RAB3GAP2: variants seen among roughly 807,000 people sequenced by gnomAD.
RAB3GAP2 encodes rab3 GTPase-activating protein non-catalytic subunit.
Under a neutral mutation model 185.3 loss-of-function variants are expected in RAB3GAP2, and 87 were observed. That is an observed-to-expected ratio of 0.47 (90% CI 0.39 to 0.56). The LOEUF (loss-of-function observed/expected upper bound fraction) is 0.56. Ranked by LOEUF, RAB3GAP2 falls within the 20% of genes least tolerant of loss-of-function variation. The pLI, the probability that RAB3GAP2 is intolerant of heterozygous loss-of-function variation, is 0.00. For synonymous variants in RAB3GAP2, 554 were observed against 576.1 expected, an observed-to-expected ratio of 0.96 and a Z score of 0.55; for missense variants, 1,492 against 1,638.2, an observed-to-expected ratio of 0.91 and a Z score of 1.54.
intron 21 of RAB3GAP2, among the ~76,000 whole-genome samples, chr1:220,174,652 T>G (rs2102860892): frequency 6.6e-6 from 1 of 152,330 alleles, no homozygotes; most frequent in East Asian, 1.9e-4. Context: ...TAGAAACCTT[T>G]TTTAAAAAAC....
intron 27 of RAB3GAP2, among the ~76,000 whole-genome samples, chr1:220,164,133 A>T (rs547541007): frequency 6.6e-6 from 1 of 152,314 alleles, no homozygotes; most frequent in East Asian, 1.9e-4. Flanking sequence ...CACATCCATT[A>T]TAAGACGCAC....
chr1:220,243,697 C>A (rs1168433501), intron 1 of RAB3GAP2, among the ~76,000 whole-genome samples: 1 of 152,202 alleles, frequency 6.6e-6, no homozygotes, highest in Non-Finnish European at 1.5e-5. Context: ...TGAGTCCACT[C>A]ACAGTCTCTA....
intron 21 of RAB3GAP2, among the ~76,000 whole-genome samples, chr1:220,179,973 C>G (rs1170361570): frequency 6.6e-5 from 10 of 152,022 alleles, no homozygotes; most frequent in African/African-American, 1.2e-4. Context: ...ACCATCCTGG[C>G]CAACATTGTG....
At chr1:220,229,366 G>C (rs1488696684) in intron 2 of RAB3GAP2, among the ~76,000 whole-genome samples, 4 of 152,174 alleles carry the variant, frequency 2.6e-5, no homozygotes, top group Non-Finnish European at 4.4e-5. Context: ...TGTGGTTTCT[G>C]ATCATGTTTA....
intron 24 of RAB3GAP2, among the ~76,000 whole-genome samples, chr1:220,170,274 C>T (rs368499639): frequency 1.1e-4 from 16 of 151,938 alleles, no homozygotes; most frequent in South Asian, 2.1e-4. Flanking sequence ...TGGGGGATTG[C>T]GGGGCTAGGG....
chr1:220,260,214 T>C (rs568854134), intron 1 of RAB3GAP2, among the ~76,000 whole-genome samples: 3 of 152,296 alleles, frequency 2.0e-5, no homozygotes, highest in African/African-American at 7.2e-5. Context: ...AGAAATACCT[T>C]TTGGCCCAGC....
At chr1:220,177,563 C>A (rs1363449118) in intron 21 of RAB3GAP2, among the ~76,000 whole-genome samples, 1 of 152,088 alleles carries the variant, frequency 6.6e-6, no homozygotes, top group African/African-American at 2.4e-5. Context: ...AGAAAACCCA[C>A]ACAATCTATT....
chr1:220,210,327 GGA>G, intron 7 of RAB3GAP2, 59 bp downstream of exon 7: 1 of 1,211,538 alleles, frequency 8.3e-7, no homozygotes, highest in Non-Finnish European at 1.2e-6. Flanking sequence ...CTAAAAAAGA[GGA>G]GAGAAACTGC....
chr1:220,218,947 G>C (rs2102884803), intron 2 of RAB3GAP2, among the ~76,000 whole-genome samples: 1 of 152,114 alleles, frequency 6.6e-6, no homozygotes, highest in East Asian at 1.9e-4. Context: ...TCAATACAAG[G>C]ACAAAAAGCC....
chr1:220,222,454 T>G (rs1659325704), intron 2 of RAB3GAP2, among the ~76,000 whole-genome samples: 1 of 152,150 alleles, frequency 6.6e-6, no homozygotes, highest in Admixed American at 6.5e-5. Context: ...ACTAAAATTC[T>G]CAAATGAAAG....
intron 1 of RAB3GAP2, among the ~76,000 whole-genome samples, chr1:220,269,415 T>C (rs1044158350): frequency 1.3e-5 from 2 of 152,176 alleles, no homozygotes; most frequent in East Asian, 1.9e-4. Flanking sequence ...TCAAAAACCA[T>C]TGAGTGTTAT....
chr1:220,257,634 G>A (rs1046439390), intron 1 of RAB3GAP2, among the ~76,000 whole-genome samples: 4 of 151,962 alleles, frequency 2.6e-5, no homozygotes, highest in Non-Finnish European at 4.4e-5. Context: ...GAAGGATCTC[G>A]ACTTAACAAC....
intron 2 of RAB3GAP2, among the ~76,000 whole-genome samples, chr1:220,225,714 A>G (rs943201253): frequency 3.9e-5 from 6 of 152,192 alleles, no homozygotes; most frequent in Non-Finnish European, 8.8e-5. Context: ...AAGTCCTAAT[A>G]AGAAACAGCC....
chr1:220,223,043 T>G (rs1227282464), intron 2 of RAB3GAP2, among the ~76,000 whole-genome samples: 1 of 152,192 alleles, frequency 6.6e-6, no homozygotes, highest in African/African-American at 2.4e-5. Flanking sequence ...ATTTGCTTTG[T>G]TTTGTTTTTG....
intron 21 of RAB3GAP2, among the ~76,000 whole-genome samples, chr1:220,178,358 A>G (rs74355828): frequency 0.07 from 10,709 of 152,282 alleles, 513 homozygotes; most frequent in South Asian, 0.14. Flanking sequence ...TGTGATTGTC[A>G]TACTAATATT....
intron 2 of RAB3GAP2, among the ~76,000 whole-genome samples, chr1:220,230,007 C>T (rs1659470839): frequency 6.6e-6 from 1 of 152,222 alleles, no homozygotes; most frequent in South Asian, 2.1e-4. Flanking sequence ...CCAAGCACAT[C>T]CCTTTCTGAA....
chr1:220,206,454 T>C (rs186377586), intron 7 of RAB3GAP2, among the ~76,000 whole-genome samples: 483 of 152,306 alleles, frequency 3.2e-3, no homozygotes, highest in Non-Finnish European at 4.4e-3. Flanking sequence ...CAATGATATT[T>C]TTCCATTTCA....
intron 1 of RAB3GAP2, among the ~76,000 whole-genome samples, chr1:220,252,516 T>C (rs1021706363): frequency 2.6e-5 from 4 of 152,130 alleles, no homozygotes; most frequent in Admixed American, 2.6e-4. Context: ...TGGGACTGAC[T>C]GGACAAACAG....
In RAB3GAP2 at chr1:220,222,762, C is replaced by A. The variant is rs370799550; in HGVS notation, c.181-8783G>T. 4.3e-3 allele frequency among the ~76,000 whole-genome samples: 649 copies of A among 152,170 alleles called. 6 individuals carry two copies. Among genetic ancestry groups the A allele is most frequent in the African/African-American group, 0.015 (618 of 41,506 alleles). The stretch of plus-strand genomic sequence containing the variant: ...TGTGCCCATTCATCTGCCCACTCAA[C>A]CTTCTATTCATATAGTGCCAAAGAA... On this transcript the variant is annotated intron_variant, in intron 2 of 34. Transcript: ENST00000358951.
Sources: allele counts gnomAD v4.1 joint callset (sites outside exome capture counted in the v4.1 genomes callset), GRCh38; gene constraint gnomAD v4.1.1; transcripts MANE v1.5; gene names NCBI Gene and HGNC (gene_info 2026-07-23, HGNC 2026-07-21).